The following FUT9 variants were observed in gnomAD, a reference collection of about 807,000 sequenced individuals.
The protein encoded by FUT9 is 4-galactosyl-N-acetylglucosaminide 3-alpha-L-fucosyltransferase 9.
A neutral mutation model predicts 29.7 loss-of-function variants in FUT9; 15 were observed. The ratio of observed to expected loss-of-function variants is 0.51; its 90% CI spans 0.34 to 0.78. FUT9 has a LOEUF of 0.78. Among genes scored for constraint, FUT9 ranks in the 30% least tolerant of loss-of-function variants. The pLI is 0.01. For synonymous variants in FUT9, 169 were observed against 153.7 expected (o/e 1.10, Z -0.74); for missense variants, 319 against 425.4 (o/e 0.75, Z 2.20).
intron 2 of FUT9, among the ~76,000 whole-genome samples, chr6:96,122,985 A>C (rs1181954585): frequency 6.7e-6 from 1 of 148,704 alleles, no homozygotes; most frequent in Non-Finnish European, 1.5e-5. Flanking sequence ...GCGTGAACCC[A>C]GAAGGGGGAG....
intron 1 of FUT9, among the ~76,000 whole-genome samples, chr6:96,106,551 T>C (rs1323318325): frequency 2.0e-5 from 3 of 152,172 alleles, no homozygotes; most frequent in Admixed American, 1.3e-4. Context: ...TGACTTTACC[T>C]CTTATCTCCT....
rs1182742044 is a variant in FUT9 at position 96,173,239 on chromosome 6, AG to A, written c.-8-29908del. ...AATGCCTGTGTCATCTTACTTATGT[AG>A]ACACTAGTCTCTCTGTAGAATTATG... On this transcript the variant is annotated intron_variant, in intron 2 of 2. Coordinates refer to ENST00000302103, the MANE Select transcript of FUT9 (RefSeq NM_006581.4). 2.9e-3 allele frequency among the ~76,000 whole-genome samples: 448 copies of A among 152,270 alleles called. 1 individual carries two copies. Among genetic ancestry groups the A allele is most frequent in the African/African-American group, 0.01 (436 of 41,564 alleles).
At chr6:96,079,797 G>T (rs560327704) in intron 1 of FUT9, among the ~76,000 whole-genome samples, 13 of 152,116 alleles carry the variant, frequency 8.5e-5, no homozygotes, top group South Asian at 6.2e-4. Context: ...CTACTACAAT[G>T]TTAGCTATCA....
rs1033993905 is a variant in FUT9 at position 96,214,373 on chromosome 6, G to A, written c.*10138G>A. The A allele has an allele frequency of 6.0e-6, 1 of 166,764 alleles. No homozygotes were observed. The highest frequency in any genetic ancestry group is 2.4e-5 in the African/African-American group (1 of 41,326). 10.3% of individuals were successfully genotyped at this position (166,764 alleles called of 1,614,324 possible). On this transcript the variant is annotated 3_prime_UTR_variant, in exon 3 of 3. Transcript: ENST00000302103. The stretch of plus-strand genomic sequence containing the variant: ...GTCAGGTCTGCACAACACTAAATTG[G>A]GCAATAACATAGAACATCTAGGCAG...
In FUT9 at chr6:96,160,219, G is replaced by A. The variant is rs9404332; in HGVS notation, c.-8-42929G>A. Among the ~76,000 whole-genome samples, 69 of 152,188 alleles carry A rather than the reference G, an allele frequency of 4.5e-4. No individual in the cohort carries two copies. In the East Asian group the frequency reaches 0.012, roughly 25 times the overall value. On this transcript the variant is annotated intron_variant, in intron 2 of 2. Transcript: ENST00000302103. The stretch of plus-strand genomic sequence containing the variant: ...ACACTGAATAAAAACTGGGAATTCC[G>A]AAATCTGTGCCAATGATGGTATTGT...
At position 96,021,298 on chromosome 6, in the gene FUT9, G is replaced by T. The variant is rs9404144; in HGVS notation, c.-98+5086G>T. 0.018 allele frequency among the ~76,000 whole-genome samples: 2,687 copies of T among 150,872 alleles called. 139 individuals are homozygous for T. In the East Asian group the frequency reaches 0.2, roughly 11 times the overall value. On this transcript the variant is annotated intron_variant, in intron 1 of 2. Coordinates refer to ENST00000302103, the MANE Select transcript of FUT9 (RefSeq NM_006581.4). Reference sequence around the variant, plus strand: ...TTGTTGTTGTTGTTTTGTTTTTTTTGGACAATGCAGGAACCTATTAGTAGT... The same window carrying T: ...TTGTTGTTGTTGTTTTGTTTTTTTTTGACAATGCAGGAACCTATTAGTAGT...
chr6:96,131,154 TA>T (rs1462582971), intron 2 of FUT9, among the ~76,000 whole-genome samples: 2 of 152,082 alleles, frequency 1.3e-5, no homozygotes, highest in African/African-American at 4.8e-5. Context: ...TCTTTTACTC[TA>T]AATTATCATC....
intron 1 of FUT9, among the ~76,000 whole-genome samples, chr6:96,059,222 G>T (rs1047871136): frequency 6.6e-6 from 1 of 152,098 alleles, no homozygotes; most frequent in Non-Finnish European, 1.5e-5. Context: ...CTGCTAAATG[G>T]AGTATAGAAT....
intron 1 of FUT9, among the ~76,000 whole-genome samples, chr6:96,101,767 T>A (rs1056318117): frequency 6.6e-6 from 1 of 150,494 alleles, no homozygotes; most frequent in African/African-American, 2.4e-5. Context: ...TATCCTCCCA[T>A]CTCAGCCTCC....
At chr6:96,116,549 G>A (rs1421162848) in intron 2 of FUT9, among the ~76,000 whole-genome samples, 3 of 152,154 alleles carry the variant, frequency 2.0e-5, no homozygotes, top group African/African-American at 7.2e-5. Context: ...TCTTCAGCTG[G>A]TAAATGAATG....
At chr6:96,158,462 A>G (rs1243609946) in intron 2 of FUT9, among the ~76,000 whole-genome samples, 1 of 152,126 alleles carries the variant, frequency 6.6e-6, no homozygotes, top group Admixed American at 6.5e-5. Context: ...CATTTTAGAA[A>G]TGTGAAATAT....
At chr6:96,069,294 C>T (rs2127946817) in intron 1 of FUT9, among the ~76,000 whole-genome samples, 1 of 150,026 alleles carries the variant, frequency 6.7e-6, no homozygotes, top group East Asian at 2.0e-4. Flanking sequence ...GAACTCCAGC[C>T]TGGGCTACAG....
chr6:96,214,606 T>C lies in FUT9; in HGVS notation c.*10371T>C, dbSNP rs1042906879. The C allele has an allele frequency of 6.0e-6, 1 of 166,946 alleles. No homozygotes were observed. The highest frequency in any genetic ancestry group is 6.6e-5 in the Admixed American group (1 of 15,262). 10.3% of individuals were successfully genotyped at this position (166,946 alleles called of 1,614,324 possible). A position where few individuals can be genotyped will look rare whatever the true frequency, so the allele number is the denominator to read the frequency against. Reference sequence around the variant, plus strand: ...TGTTTTGTTTAGCTTTTCTCTTTTATTCAGAAAACATACCTGTGCTTTTGA... The same window carrying C: ...TGTTTTGTTTAGCTTTTCTCTTTTACTCAGAAAACATACCTGTGCTTTTGA... On this transcript the variant is annotated 3_prime_UTR_variant, in exon 3 of 3. Coordinates refer to ENST00000302103, the MANE Select transcript of FUT9 (RefSeq NM_006581.4).
chr6:96,108,334 G>T (rs1458713867), intron 1 of FUT9, among the ~76,000 whole-genome samples: 1 of 152,004 alleles, frequency 6.6e-6, no homozygotes, highest in Non-Finnish European at 1.5e-5. Flanking sequence ...AATCTGTCTG[G>T]GTTCCAGTCC....
intron 2 of FUT9, among the ~76,000 whole-genome samples, chr6:96,143,230 A>G (rs1241514764): frequency 6.6e-6 from 1 of 152,226 alleles, no homozygotes; most frequent in Non-Finnish European, 1.5e-5. Context: ...CCTTTCTGCC[A>G]TGTGATGACA....
chr6:96,164,970 T>C (rs1021222805), intron 2 of FUT9, among the ~76,000 whole-genome samples: 1 of 152,218 alleles, frequency 6.6e-6, no homozygotes, highest in African/African-American at 2.4e-5. Flanking sequence ...TACAGGAATT[T>C]CTATTAGTCA....
At chr6:96,161,396 C>T (rs1772899224) in intron 2 of FUT9, among the ~76,000 whole-genome samples, 2 of 152,126 alleles carry the variant, frequency 1.3e-5, no homozygotes, top group Non-Finnish European at 2.9e-5. Context: ...TTGGACTTTC[C>T]AGCCTTCAGA....
chr6:96,089,026 T>C (rs1582221507), intron 1 of FUT9, among the ~76,000 whole-genome samples: 1 of 152,290 alleles, frequency 6.6e-6, no homozygotes, highest in African/African-American at 2.4e-5. Context: ...TTAATTTTGA[T>C]CCCATTACTC....
intron 1 of FUT9, among the ~76,000 whole-genome samples, chr6:96,094,297 G>C (rs886741420): frequency 6.6e-6 from 1 of 152,066 alleles, no homozygotes; most frequent in Non-Finnish European, 1.5e-5. Context: ...TAGCTAGCTG[G>C]CTTGGTTATC....
Sources: allele counts gnomAD v4.1 joint callset (sites outside exome capture counted in the v4.1 genomes callset), GRCh38; gene constraint gnomAD v4.1.1; transcripts MANE v1.5; gene names NCBI Gene and HGNC (gene_info 2026-07-23, HGNC 2026-07-21).